LUC7L2: variants seen among roughly 807,000 people sequenced by gnomAD.
LUC7L2 encodes the protein putative RNA-binding protein Luc7-like 2.
Under a neutral mutation model 52.8 loss-of-function variants are expected in LUC7L2, and 25 were observed. That is an observed-to-expected ratio of 0.47 (90% confidence interval 0.34 to 0.66). The LOEUF (loss-of-function observed/expected upper bound fraction) is 0.66, where lower values mean the gene tolerates loss of function less well. Ranked by LOEUF, LUC7L2 falls within the 30% of genes least tolerant of loss-of-function variation. The pLI is 0.01. For missense variants in LUC7L2, 328 were observed against 497.8 expected (o/e 0.66, Z 3.25); for synonymous variants, 144 against 160.9 (o/e 0.89, Z 0.80).
chr7:139,345,578 C>T (rs1251724313), intron 1 of LUC7L2: 1 of 1,614,144 alleles, frequency 6.2e-7, no homozygotes, highest in Non-Finnish European at 8.5e-7. Flanking sequence ...TCCTGCGTAG[C>T]ATCCGGAAAC....
At chr7:139,399,249 C>CT (rs1484860040) in intron 3 of LUC7L2, among the ~76,000 whole-genome samples, 23 of 152,014 alleles carry the variant, frequency 1.5e-4, no homozygotes, top group African/African-American at 5.5e-4. Flanking sequence ...TAACTGTTTA[C>CT]ATAGCATTTA....
At chr7:139,357,651 A>C (rs1799645211), upstream of LUC7L2, among the ~76,000 whole-genome samples, 1 of 152,028 alleles carries the variant, frequency 6.6e-6, no homozygotes, top group South Asian at 2.1e-4. Context: ...ATAACTGAAG[A>C]GAAGCTATTT....
intron 1 of LUC7L2, among the ~76,000 whole-genome samples, chr7:139,364,079 G>T: frequency 6.8e-6 from 1 of 147,446 alleles, no homozygotes; most frequent in Non-Finnish European, 1.5e-5. Flanking sequence ...CCACCTCCTG[G>T]GTTCGAGTGA....
chr7:139,399,869 G>GT (rs1398084656), intron 3 of LUC7L2, among the ~76,000 whole-genome samples: 1 of 151,736 alleles, frequency 6.6e-6, no homozygotes, highest in African/African-American at 2.4e-5. Flanking sequence ...TTATATTGCT[G>GT]TTTTTATATG....
chr7:139,364,385 C>T lies in LUC7L2; in HGVS notation c.61+4063C>T, dbSNP rs536535362. Among the ~76,000 whole-genome samples, 5 of 152,162 alleles carry T rather than the reference C, an allele frequency of 3.3e-5. No individual in the cohort carries two copies. In the South Asian group the frequency reaches 6.2e-4, roughly 19 times the overall value. ...TAGGCAGGAATGGCAGCCTGCCCTC[C>T]AAAACAACAAGTAGACTAGGAATGT... On this transcript the variant is annotated intron_variant, in intron 1 of 9. Transcript: ENST00000354926.
chr7:139,358,196 G>A (rs1411103089), upstream of LUC7L2, among the ~76,000 whole-genome samples: 2 of 148,920 alleles, frequency 1.3e-5, no homozygotes, highest in Non-Finnish European at 3.0e-5. Context: ...TAGTAGAGAT[G>A]GAATTTCACC....
chr7:139,406,767 T>A (rs1213867848), intron 5 of LUC7L2, among the ~76,000 whole-genome samples: 1 of 152,196 alleles, frequency 6.6e-6, no homozygotes, highest in East Asian at 1.9e-4. Context: ...TCTTTTAATA[T>A]CTGTAGAATG....
intron 1 of LUC7L2, chr7:139,345,458 A>G (rs754072562): frequency 6.2e-7 from 1 of 1,611,426 alleles, no homozygotes; most frequent in Non-Finnish European, 8.5e-7. Context: ...GTGGACCTGT[A>G]TCTCTAGCTG....
intron 6 of LUC7L2, among the ~76,000 whole-genome samples, chr7:139,407,844 CACTATT>C (rs1795190235): frequency 6.6e-6 from 1 of 152,078 alleles, no homozygotes; most frequent in Admixed American, 6.5e-5. Flanking sequence ...AAAGGACAAT[CACTATT>C]ACTTAAATAA....
intron 8 of LUC7L2, among the ~76,000 whole-genome samples, chr7:139,415,046 CCTG>C (rs960240343): frequency 2.1e-5 from 3 of 146,232 alleles, no homozygotes; most frequent in Admixed American, 6.9e-5. Flanking sequence ...GCCACCATGC[CCTG>C]CTAAGTTTTT....
chr7:139,360,450 C>T (rs1307342978), intron 1 of LUC7L2, 128 bp downstream of exon 1: 3 of 738,994 alleles, frequency 4.1e-6, no homozygotes, highest in South Asian at 1.8e-5. Flanking sequence ...AACACGAGGT[C>T]CCCGTCCCCC....
chr7:139,382,461 C>G (rs1801083603), intron 2 of LUC7L2, among the ~76,000 whole-genome samples: 1 of 152,150 alleles, frequency 6.6e-6, no homozygotes, highest in African/African-American at 2.4e-5. Context: ...TAGCTCACTG[C>G]AACCTCTCCC....
At chr7:139,367,969 A>G (rs1313997076) in intron 1 of LUC7L2, among the ~76,000 whole-genome samples, 1 of 152,186 alleles carries the variant, frequency 6.6e-6, no homozygotes, top group Non-Finnish European at 1.5e-5. Context: ...AGCCTGCATT[A>G]TGGACGGGAG....
intron 1 of LUC7L2, among the ~76,000 whole-genome samples, chr7:139,348,502 C>T (rs940084426): frequency 2.0e-5 from 3 of 151,822 alleles, no homozygotes; most frequent in Admixed American, 2.0e-4. Flanking sequence ...AGGTGGATCA[C>T]AAGGTCGAGA....
At chr7:139,390,219 CTCTCTCT>C (rs1794382296) in intron 2 of LUC7L2, among the ~76,000 whole-genome samples, 1 of 51,192 alleles carries the variant, frequency 2.0e-5, no homozygotes, top group African/African-American at 4.8e-4. Flanking sequence ...TGCCCAGTCT[CTCTCTCT>C]CTCTCTCTCT....
Position 139,408,906 on chromosome 7 carries a change from G to A in LUC7L2, c.688-657G>A, listed in dbSNP as rs559798631. Among the ~76,000 whole-genome samples the A allele has an allele frequency of 1.9e-4, 29 of 151,130 alleles. 1 individual carries two copies. Among genetic ancestry groups the A allele is most frequent in the Non-Finnish European group, 1.5e-4 (10 of 67,896 alleles). ...CTTATGCCTGTAATCCCAGCACTTTGGGATGCCAAGGTGGCCAGATCACTT... is the reference window on the plus strand; with the variant it reads ...CTTATGCCTGTAATCCCAGCACTTTAGGATGCCAAGGTGGCCAGATCACTT... On this transcript the variant is annotated intron_variant, in intron 6 of 9. Coordinates refer to ENST00000354926, the MANE Select transcript of LUC7L2 (RefSeq NM_016019.5).
chr7:139,384,340 A>G (rs1291699099), intron 2 of LUC7L2, among the ~76,000 whole-genome samples: 1 of 151,910 alleles, frequency 6.6e-6, no homozygotes, highest in Non-Finnish European at 1.5e-5. Context: ...ATCGTGGCTC[A>G]CTGCAACCTC....
intron 8 of LUC7L2, among the ~76,000 whole-genome samples, chr7:139,415,178 T>C (rs10281085): frequency 0.39 from 57,948 of 150,418 alleles, 15,501 homozygotes; most frequent in African/African-American, 0.76. Context: ...TTCCAAAGTG[T>C]TGGGATTACA....
chr7:139,345,720 T>C (rs750210082), intron 1 of LUC7L2: 2 of 1,611,118 alleles, frequency 1.2e-6, no homozygotes, highest in South Asian at 1.1e-5. Context: ...GAGAATATCC[T>C]TGGATGCTGC....
Sources: gnomAD v4.1 joint callset for allele counts (sites outside exome capture counted in the v4.1 genomes callset) on GRCh38, gnomAD v4.1.1 for gene constraint, MANE v1.5 for transcripts, NCBI Gene and HGNC (gene_info 2026-07-23, HGNC 2026-07-21) for gene names.